Variants in GPAT4 observed in about 807,000 individuals in gnomAD.
GPAT4 encodes 1-AGP acyltransferase 6.
GPAT4 carries 17 observed loss-of-function variants against 58.0 expected under a neutral mutation model. The observed-to-expected ratio is 0.29, with a 90% CI of 0.20 to 0.44. The LOEUF (loss-of-function observed/expected upper bound fraction) is 0.44. GPAT4 is among the 20% of genes least tolerant of loss of function. The pLI, the probability that GPAT4 is intolerant of heterozygous loss-of-function variation, is 1.00. For synonymous variants in GPAT4, 204 were observed against 210.1 expected (o/e 0.97, Z 0.25); for missense variants, 377 against 574.5 (o/e 0.66, Z 3.51).
rs142267893 is a variant in GPAT4, at chr8:41,590,239, A to G, written c.-848-8053A>G. Among the ~76,000 whole-genome samples, 124 of 152,154 alleles carry G rather than the reference A, an allele frequency of 8.1e-4. 2 individuals carry two copies. The highest frequency in any genetic ancestry group is 2.6e-3 in the African/African-American group (109 of 41,490). On this transcript the variant is annotated intron_variant, in intron 1 of 12. Coordinates refer to ENST00000396987, the MANE Select transcript of GPAT4 (RefSeq NM_178819.4). ...GTAGTTGAGATTACAGGCATGCGCC[A>G]TGATGCTTGGCTAATTTTTGTATTT...
chr8:41,612,115 G>A, intron 6 of GPAT4, 65 bp from the exon 7 acceptor site: 1 of 1,588,536 alleles, frequency 6.3e-7, no homozygotes, highest in South Asian at 1.1e-5. Context: ...CATGTGAGGT[G>A]AGAGGTGTGT....
At chr8:41,594,088 TA>T (rs1448907743) in intron 1 of GPAT4, among the ~76,000 whole-genome samples, 1 of 152,230 alleles carries the variant, frequency 6.6e-6, no homozygotes, top group Non-Finnish European at 1.5e-5. Context: ...TGTCTGACCA[TA>T]AGGTAAGATA....
At chr8:41,613,342 C>T (rs897988745) in intron 8 of GPAT4, among the ~76,000 whole-genome samples, 10 of 151,874 alleles carry the variant, frequency 6.6e-5, no homozygotes, top group African/African-American at 9.7e-5. Context: ...GCTGAGATCG[C>T]GCCATTGCAT....
At position 41,623,896 on chromosome 8, in the gene GPAT4, G is replaced by A. The variant is rs1220420644; in HGVS notation, c.*2895G>A. 4.6e-5 allele frequency: 7 copies of A among 151,838 alleles called. No homozygotes were observed. The highest frequency in any genetic ancestry group is 3.9e-4 in the Admixed American group (6 of 15,248). 9.4% of individuals were successfully genotyped at this position (151,838 alleles called of 1,614,324 possible). On this transcript the variant is annotated 3_prime_UTR_variant, in exon 13 of 13. Transcript: ENST00000396987. ...CTTGTTGCCCATGCTGGAGTGCAAT[G>A]GCACAATCTCAGCTCCACTGCAACC...
At chr8:41,610,204 C>T (rs941596187) in intron 4 of GPAT4, 2 of 1,353,636 alleles carry the variant, frequency 1.5e-6, no homozygotes, top group African/African-American at 2.9e-5. Flanking sequence ...ACAGCAAACA[C>T]AGGGACAGGG....
chr8:41,619,492 G>A, intron 12 of GPAT4: 1 of 168,918 alleles, frequency 5.9e-6, no homozygotes, highest in South Asian at 1.5e-4. Flanking sequence ...CCATTGTAGT[G>A]TGAAAACAGA....
chr8:41,611,284 T>A (rs148947858), intron 5 of GPAT4, among the ~76,000 whole-genome samples: 6 of 152,334 alleles, frequency 3.9e-5, no homozygotes, highest in African/African-American at 1.4e-4. Flanking sequence ...TTACTTTTTT[T>A]AAATTTTGAT....
chr8:41,605,104 T>G (rs1312065172), intron 2 of GPAT4, among the ~76,000 whole-genome samples: 18 of 152,138 alleles, frequency 1.2e-4, no homozygotes, highest in Non-Finnish European at 2.9e-5. Flanking sequence ...AAGGAGACCT[T>G]GATGGAGAAA....
rs1170023952 is a variant in GPAT4 at position 41,621,010 on chromosome 8, C to T, written c.*9C>T. On this transcript the variant is annotated 3_prime_UTR_variant, in exon 13 of 13. Transcript: ENST00000396987. ...ACAGGAGCCGCTCCTGAGCCTGCCTCCAGCTGGCTGGGGCCACCGTGCGGG... is the reference window on the plus strand; with the variant it reads ...ACAGGAGCCGCTCCTGAGCCTGCCTTCAGCTGGCTGGGGCCACCGTGCGGG... The T allele has an allele frequency of 2.6e-6, 4 of 1,550,780 alleles. No homozygotes were observed. The highest frequency in any genetic ancestry group is 2.0e-5 in the Admixed American group (1 of 51,012).
intron 6 of GPAT4, 74 bp from the exon 7 acceptor site, chr8:41,612,106 A>G (rs568464508): frequency 8.2e-6 from 13 of 1,588,138 alleles, no homozygotes; most frequent in Non-Finnish European, 1.1e-5. Flanking sequence ...CAGATGAAGC[A>G]TGTGAGGTGA....
At chr8:41,618,461 C>T in intron 10 of GPAT4, 1 of 591,876 alleles carries the variant, frequency 1.7e-6, no homozygotes. Context: ...GGGAGCCTTC[C>T]TTACTGATCT....
chr8:41,621,088 C>T lies in GPAT4; in HGVS notation c.*87C>T, dbSNP rs1563281713. Reference sequence around the variant, plus strand: ...CCGCCGCCGCCCCCACTGCTGTGTCCTTTCCAGACTCCAGGGCTCCCCGGG... The same window carrying T: ...CCGCCGCCGCCCCCACTGCTGTGTCTTTTCCAGACTCCAGGGCTCCCCGGG... On this transcript the variant is annotated 3_prime_UTR_variant, in exon 13 of 13. Transcript: ENST00000396987. The T allele has an allele frequency of 4.0e-6, 6 of 1,515,118 alleles. No individual in the cohort carries two copies. The highest frequency in any genetic ancestry group is 2.0e-5 in the Admixed American group (1 of 49,492). The allele number at this position is 1,515,118 out of a possible 1,614,324, so 93.9% of individuals were successfully genotyped here.
rs967793662 is a variant in GPAT4, at chr8:41,619,399, A to G, written c.1262+422A>G. On this transcript the variant is annotated intron_variant, in intron 12 of 12. Transcript: ENST00000396987. ...TCAGCTTGTTACCTAATAGAGCAGGATTGACATACTTTTTCTGTAGTCAGT... is the reference window on the plus strand; with the variant it reads ...TCAGCTTGTTACCTAATAGAGCAGGGTTGACATACTTTTTCTGTAGTCAGT... The G allele has an allele frequency of 2.5e-5, 5 of 197,434 alleles. No individual in the cohort carries two copies. In the Admixed American group the frequency reaches 2.6e-4, roughly 10 times the overall value. 12.2% of individuals were successfully genotyped at this position (197,434 alleles called of 1,614,324 possible). A position where few individuals can be genotyped will look rare whatever the true frequency, so the allele number is the denominator to read the frequency against.
At chr8:41,613,111 A>T in intron 8 of GPAT4, 151 bp downstream of exon 8, 1 of 670,822 alleles carries the variant, frequency 1.5e-6, no homozygotes, top group African/African-American at 1.9e-5. Context: ...GAAATTTTAA[A>T]AGTGGCCGGG....
At position 41,609,635 on chromosome 8, in the gene GPAT4, A is replaced by G. The variant is rs1563277023; in HGVS notation, c.236-20A>G. The G allele has an allele frequency of 1.9e-6, 3 of 1,608,440 alleles. No individual in the cohort carries two copies. Among genetic ancestry groups the G allele is most frequent in the South Asian group, 1.1e-5 (1 of 90,518 alleles). On this transcript the variant is annotated intron_variant, in intron 3 of 12. Coordinates refer to ENST00000396987, the MANE Select transcript of GPAT4 (RefSeq NM_178819.4). ...GCTCTCCCCCAGCGTGCTGCTTGAC[A>G]GGGACACATTCTTTTGCAGGAATCA... is the stretch of plus-strand genomic sequence containing the variant.
rs867634541 is a variant in GPAT4, at chr8:41,618,578, C to A, written c.1054-106C>A. On this transcript the variant is annotated intron_variant, in intron 10 of 12. Transcript: ENST00000396987. ...CTCATGCAAGGTCAGGGAGCAGCAC[C>A]CCAGTACCAGCACGGCCCAGTGGAG... 8.1e-5 allele frequency: 115 copies of A among 1,427,720 alleles called. No homozygotes were observed. In the Middle Eastern group the frequency reaches 2.0e-3, roughly 25 times the overall value. The allele number at this position is 1,427,720 out of a possible 1,614,324, so 88.4% of individuals were successfully genotyped here.
At position 41,622,671 on chromosome 8, in the gene GPAT4, G is replaced by A. The variant is rs979799005; in HGVS notation, c.*1670G>A. The A allele has an allele frequency of 6.6e-6, 1 of 152,298 alleles. No homozygotes were observed. Among genetic ancestry groups the A allele is most frequent in the Admixed American group, 6.5e-5 (1 of 15,282 alleles). The allele number at this position is 152,298 out of a possible 1,614,324, so 9.4% of individuals were successfully genotyped here. A position where few individuals can be genotyped will look rare whatever the true frequency, so the allele number is the denominator to read the frequency against. ...CTGCAGACAGATCCACTTTGCATGT[G>A]GTACCTGCTGGGTTGGCCCTGCAAT... On this transcript the variant is annotated 3_prime_UTR_variant, in exon 13 of 13. Transcript: ENST00000396987.
chr8:41,593,031 A>G (rs1802835456), intron 1 of GPAT4, among the ~76,000 whole-genome samples: 1 of 152,168 alleles, frequency 6.6e-6, no homozygotes, highest in South Asian at 2.1e-4. Flanking sequence ...ATTCATAACA[A>G]ATATACTTAC....
intron 1 of GPAT4, among the ~76,000 whole-genome samples, chr8:41,579,612 C>T (rs977488022): frequency 6.6e-6 from 1 of 152,070 alleles, no homozygotes; most frequent in South Asian, 2.1e-4. Flanking sequence ...CCGAGGCGGG[C>T]GGATCACCTA....
Sources: gnomAD v4.1 joint callset for allele counts (sites outside exome capture counted in the v4.1 genomes callset) on GRCh38, gnomAD v4.1.1 for gene constraint, MANE v1.5 for transcripts, NCBI Gene and HGNC (gene_info 2026-07-23, HGNC 2026-07-21) for gene names.